Variants in THPO observed in about 807,000 individuals in gnomAD.
THPO encodes the protein MPL ligand.
THPO carries 12 observed loss-of-function variants against 17.0 expected under a neutral mutation model. That is an observed-to-expected ratio of 0.71 (90% CI 0.45 to 1.14). The LOEUF (loss-of-function observed/expected upper bound fraction) is 1.14. Among genes scored for constraint, THPO ranks in the 50% most tolerant of loss-of-function variants. The pLI is 0.00. For missense variants in THPO, 365 were observed against 427.5 expected, an observed-to-expected ratio of 0.85 and a Z score of 1.29; for synonymous variants, 188 against 183.0, an observed-to-expected ratio of 1.03 and a Z score of -0.22.
upstream of THPO, among the ~76,000 whole-genome samples, chr3:184,379,593 T>C (rs1162748870): frequency 2.0e-5 from 3 of 151,958 alleles, no homozygotes; most frequent in African/African-American, 7.3e-5. Context: ...TGATGGACCT[T>C]TCCTGTACGT....
upstream of THPO, among the ~76,000 whole-genome samples, chr3:184,379,587 G>A (rs1577370548): frequency 6.6e-6 from 1 of 152,058 alleles, no homozygotes; most frequent in South Asian, 2.1e-4. Flanking sequence ...ATCGGCTGAT[G>A]GACCTTTCCT....
intron 4 of THPO, among the ~76,000 whole-genome samples, chr3:184,374,958 C>T (rs2700320): frequency 0.69 from 105,422 of 152,052 alleles, 38,684 homozygotes; most frequent in African/African-American, 0.93. Context: ...CCGGCTAATT[C>T]TGTATTCTTA....
Position 184,373,045 on chromosome 3 carries a change from G to T in THPO, c.530C>A (p.Pro177Gln). The T allele has an allele frequency of 6.2e-7, 1 of 1,614,078 alleles. No homozygotes were observed. The highest frequency in any genetic ancestry group is 1.1e-5 in the South Asian group (1 of 91,084). ...GGSTLCVRRA[P>Q]PTTAVPSRTS... ...TCTGCTGGGGACAGCTGTGGTGGGT[G>T]GGGCCCGCCTGACGCAGAGGGTGGA... Residue 177 changes from proline to glutamine, a missense_variant, in exon 6 of 6, where the codon CCA (proline) becomes CAA (glutamine). Coordinates refer to ENST00000647395, the MANE Select transcript of THPO (RefSeq NM_000460.4).
intron 1 of THPO, among the ~76,000 whole-genome samples, chr3:184,377,816 G>A (rs1714546769): frequency 6.6e-6 from 1 of 152,072 alleles, no homozygotes; most frequent in Non-Finnish European, 1.5e-5. Flanking sequence ...TTTCTCCCTG[G>A]GCTCATGTCC....
rs1713962730 is a variant in THPO, at chr3:184,372,399, G to GAATA, written c.*113_*114insTATT. The GAATA allele has an allele frequency of 2.3e-6, 3 of 1,298,908 alleles. No homozygotes were observed. Among genetic ancestry groups the GAATA allele is most frequent in the Non-Finnish European group, 3.3e-6 (3 of 897,328 alleles). 80.5% of individuals were successfully genotyped at this position (1,298,908 alleles called of 1,614,324 possible). ...CAGTCCTGTGTATCCCTTTTACCAG[G>GAATA]GCTTTGGGTTTCAGGAGAAAGTAGG... On this transcript the variant is annotated 3_prime_UTR_variant, in exon 6 of 6. Coordinates refer to ENST00000647395, the MANE Select transcript of THPO (RefSeq NM_000460.4).
upstream of THPO, chr3:184,378,361 C>T: frequency 4.1e-6 from 4 of 985,562 alleles, no homozygotes; most frequent in Non-Finnish European, 4.8e-6. Context: ...TTTTCCTGGA[C>T]ATGGGCAACC....
At chr3:184,377,668 G>A (rs1206764006) in intron 1 of THPO, among the ~76,000 whole-genome samples, 5 of 152,102 alleles carry the variant, frequency 3.3e-5, no homozygotes, top group African/African-American at 1.2e-4. Flanking sequence ...TTGCGCCCTG[G>A]CTTGCCTGGC....
chr3:184,377,531 C>T (rs1714522272), intron 1 of THPO, among the ~76,000 whole-genome samples: 1 of 152,208 alleles, frequency 6.6e-6, no homozygotes, highest in African/African-American at 2.4e-5. Flanking sequence ...CCGGTTCCTT[C>T]ACAGGACCCC....
At position 184,372,988 on chromosome 3, in the gene THPO, G is replaced by T; in HGVS notation, c.587C>A (p.Pro196Gln). The T allele has an allele frequency of 6.2e-7, 1 of 1,614,178 alleles. No individual in the cohort carries two copies. The highest frequency in any genetic ancestry group is 8.5e-7 in the Non-Finnish European group (1 of 1,180,036). The change falls in exon 6 of 6, where the codon CCA (proline) becomes CAA (glutamine). Residue 196 changes from proline to glutamine, a missense_variant. Coordinates refer to ENST00000647395, the MANE Select transcript of THPO (RefSeq NM_000460.4). ...TSLVLTLNEL[P>Q]NRTSGLLETN... Reference sequence around the variant, plus strand: ...CTCCAACAATCCAGAAGTCCTGTTTGGGAGCTCGTTCAGTGTGAGGACTAG... The same window carrying T: ...CTCCAACAATCCAGAAGTCCTGTTTTGGAGCTCGTTCAGTGTGAGGACTAG...
intron 1 of THPO, among the ~76,000 whole-genome samples, chr3:184,376,857 AG>A (rs774926121): frequency 0.051 from 6,130 of 119,198 alleles, 198 homozygotes; most frequent in African/African-American, 0.095. Context: ...AAAAAAAAAA[AG>A]AAAGAAAGAA....
chr3:184,376,483 A>G, intron 1 of THPO, 79 bp from the exon 2 acceptor site: 1 of 1,404,128 alleles, frequency 7.1e-7, no homozygotes. Context: ...GATGCTGGGG[A>G]GGGCTTGAGA....
upstream of THPO, chr3:184,378,975 G>A (rs767198896): frequency 7.4e-6 from 4 of 542,818 alleles, no homozygotes; most frequent in Non-Finnish European, 9.4e-6. Context: ...TTTTCCTTTG[G>A]CCCTGGCTCT....
chr3:184,372,868 G>T lies in THPO; in HGVS notation c.707C>A (p.Thr236Asn). The T allele has an allele frequency of 6.2e-7, 1 of 1,614,162 alleles. No individual in the cohort carries two copies. The highest frequency in any genetic ancestry group is 1.1e-5 in the South Asian group (1 of 91,082). ...GGGGATTTGGTCCAGGGACCTGGAGGTTTGGTTCAGCAGACCAGGAATCTT... is the reference window on the plus strand; with the variant it reads ...GGGGATTTGGTCCAGGGACCTGGAGTTTTGGTTCAGCAGACCAGGAATCTT... Reference protein sequence around the residue: ...RAKIPGLLNQTSRSLDQIPGY... With the variant: ...RAKIPGLLNQNSRSLDQIPGY... The change falls in exon 6 of 6, where the codon ACC becomes AAC. Residue 236 changes from threonine to asparagine, a missense_variant. Transcript: ENST00000647395.
chr3:184,373,794 G>A (rs948941794), intron 4 of THPO, among the ~76,000 whole-genome samples: 2 of 152,174 alleles, frequency 1.3e-5, no homozygotes, highest in Non-Finnish European at 2.9e-5. Context: ...AGTCCAGCCT[G>A]GTCTTACACT....
In THPO at chr3:184,372,288, G is replaced by A; in HGVS notation, c.*225C>T. ...ATTTCTGCAGAAAATAGACCAAAGAGCTAGCTGCTCTGATGAGTATTGCTG... is the reference window on the plus strand; with the variant it reads ...ATTTCTGCAGAAAATAGACCAAAGAACTAGCTGCTCTGATGAGTATTGCTG... On this transcript the variant is annotated 3_prime_UTR_variant, in exon 6 of 6. Transcript: ENST00000647395. 1.8e-6 allele frequency: 1 copy of A among 560,896 alleles called. No individual in the cohort carries two copies. The highest frequency in any genetic ancestry group is 3.2e-6 in the Non-Finnish European group (1 of 315,544). 34.7% of individuals were successfully genotyped at this position (560,896 alleles called of 1,614,324 possible).
intron 3 of THPO, 32 bp downstream of exon 3, chr3:184,375,856 C>G: frequency 1.9e-6 from 3 of 1,611,940 alleles, no homozygotes; most frequent in Non-Finnish European, 2.5e-6. Context: ...ACCAGTTACG[C>G]GGATAAAGGG....
At position 184,376,369 on chromosome 3, in the gene THPO, G is replaced by A; in HGVS notation, c.-110C>T. The A allele has an allele frequency of 1.2e-6, 2 of 1,611,924 alleles. No individual in the cohort carries two copies. The highest frequency in any genetic ancestry group is 8.5e-7 in the Non-Finnish European group (1 of 1,179,436). The stretch of plus-strand genomic sequence containing the variant: ...CTCTTGCACTTCTGGGCAGAGTAGG[G>A]TGGGGCAAAGGCGGGCCAAGGGTGA... On this transcript the variant is annotated 5_prime_UTR_variant, in exon 2 of 6. Coordinates refer to ENST00000647395, the MANE Select transcript of THPO (RefSeq NM_000460.4).
chr3:184,372,318 C>A lies in THPO; in HGVS notation c.*195G>T. 1.5e-6 allele frequency: 1 copy of A among 667,022 alleles called. No individual in the cohort carries two copies. 41.3% of individuals were successfully genotyped at this position (667,022 alleles called of 1,614,324 possible). On this transcript the variant is annotated 3_prime_UTR_variant, in exon 6 of 6. Coordinates refer to ENST00000647395, the MANE Select transcript of THPO (RefSeq NM_000460.4). ...CTGCTCTGATGAGTATTGCTGATAGCTTAAAAAAATAGCTTCTGAAGGTTT... is the reference window on the plus strand; with the variant it reads ...CTGCTCTGATGAGTATTGCTGATAGATTAAAAAAATAGCTTCTGAAGGTTT...
chr3:184,372,506 G>A lies in THPO; in HGVS notation c.*7C>T, dbSNP rs763940867. On this transcript the variant is annotated 3_prime_UTR_variant, in exon 6 of 6. Coordinates refer to ENST00000647395, the MANE Select transcript of THPO (RefSeq NM_000460.4). Reference sequence around the variant, plus strand: ...GACAATGCTGATGTCGGCAGTGTCTGAGAACCTTACCCTTCCTGAGACAGA... The same window carrying A: ...GACAATGCTGATGTCGGCAGTGTCTAAGAACCTTACCCTTCCTGAGACAGA... 1 of 1,614,120 alleles carries A rather than the reference G, an allele frequency of 6.2e-7. No homozygotes were observed. The highest frequency in any genetic ancestry group is 1.1e-5 in the South Asian group (1 of 91,076).
Sources: allele counts gnomAD v4.1 joint callset (sites outside exome capture counted in the v4.1 genomes callset), GRCh38; gene constraint gnomAD v4.1.1; transcripts MANE v1.5; gene names NCBI Gene and HGNC (gene_info 2026-07-23, HGNC 2026-07-21).